The following SEM1 variants were observed in gnomAD, a reference collection of about 807,000 sequenced individuals.
SEM1 encodes the protein SEM1 26S proteasome subunit.
A neutral mutation model predicts 12.7 loss-of-function variants in SEM1; 3 were observed. The ratio of observed to expected loss-of-function variants is 0.24; its 90% CI spans 0.11 to 0.61. The LOEUF (loss-of-function observed/expected upper bound fraction) is 0.61. Ranked by LOEUF, SEM1 falls within the 20% of genes least tolerant of loss-of-function variation. The probability of loss-of-function intolerance (pLI) is 0.88; values close to 1 mark genes in which losing one functional copy is unlikely to be tolerated. For missense variants in SEM1, 59 were observed against 81.3 expected, an observed-to-expected ratio of 0.73 and a Z score of 1.06; for synonymous variants, 30 against 27.8, an observed-to-expected ratio of 1.08 and a Z score of -0.25.
intron 1 of SEM1, among the ~76,000 whole-genome samples, chr7:96,699,581 A>C (rs1262076452): frequency 6.6e-6 from 1 of 152,150 alleles, no homozygotes; most frequent in East Asian, 1.9e-4. Context: ...TACAATATAC[A>C]TACACATTTA....
downstream of SEM1, among the ~76,000 whole-genome samples, chr7:96,619,090 G>A (rs963978719): frequency 5.9e-5 from 9 of 151,812 alleles, no homozygotes; most frequent in East Asian, 1.9e-4. Flanking sequence ...TATTTATCTC[G>A]CATTTCAAGG....
At chr7:96,593,670 T>C (rs952861791) in intron 2 of SEM1, among the ~76,000 whole-genome samples, 3 of 152,210 alleles carry the variant, frequency 2.0e-5, no homozygotes, top group African/African-American at 7.2e-5. Context: ...ATAATTATTT[T>C]ATTGGCAAAG....
At chr7:96,655,039 G>A (rs1809132748) in intron 2 of SEM1, among the ~76,000 whole-genome samples, 2 of 152,172 alleles carry the variant, frequency 1.3e-5, no homozygotes, top group Admixed American at 6.5e-5. Context: ...AGCACTTAGA[G>A]CCTAGTCTGT....
intron 1 of SEM1, among the ~76,000 whole-genome samples, chr7:96,702,169 G>A (rs1790294026): frequency 1.3e-5 from 2 of 152,152 alleles, no homozygotes; most frequent in South Asian, 2.1e-4. Flanking sequence ...AATAACAAAT[G>A]TAGAAAGGGA....
chr7:96,502,654 T>C (rs1329368136), intron 3 of SEM1, among the ~76,000 whole-genome samples: 1 of 152,198 alleles, frequency 6.6e-6, no homozygotes, highest in African/African-American at 2.4e-5. Context: ...CAAAATAGCC[T>C]AATACATTCT....
intron 1 of SEM1, among the ~76,000 whole-genome samples, chr7:96,490,000 A>G (rs1243334898): frequency 6.6e-6 from 1 of 152,114 alleles, no homozygotes; most frequent in Non-Finnish European, 1.5e-5. Context: ...GTGCAGGGGC[A>G]TTGTGAGGAG....
At chr7:96,544,126 T>C (rs1228846336) in intron 2 of SEM1, among the ~76,000 whole-genome samples, 1 of 152,082 alleles carries the variant, frequency 6.6e-6, no homozygotes. Flanking sequence ...TGAAAATCTC[T>C]TAATGTTCTT....
chr7:96,556,641 A>T (rs1805511847), intron 2 of SEM1, among the ~76,000 whole-genome samples: 1 of 135,214 alleles, frequency 7.4e-6, no homozygotes, highest in African/African-American at 2.7e-5. Context: ...CTTCATTTCA[A>T]CTTTGGTGCA....
At chr7:96,617,663 T>A (rs768307071), downstream of SEM1, among the ~76,000 whole-genome samples, 3 of 152,198 alleles carry the variant, frequency 2.0e-5, no homozygotes, top group Non-Finnish European at 4.4e-5. Context: ...AGTATGATGT[T>A]GGGTATGGGT....
intron 2 of SEM1, among the ~76,000 whole-genome samples, chr7:96,510,020 T>C (rs73390914): frequency 6.6e-6 from 1 of 152,140 alleles, no homozygotes; most frequent in Admixed American, 6.6e-5. Context: ...ACTGCTGAAC[T>C]ATATATTTTA....
At chr7:96,638,034 C>A (rs1310568890) in intron 2 of SEM1, among the ~76,000 whole-genome samples, 1 of 151,990 alleles carries the variant, frequency 6.6e-6, no homozygotes, top group Non-Finnish European at 1.5e-5. Context: ...GCAGATGATG[C>A]CTGCACTTGA....
At chr7:96,652,707 A>G (rs569244710) in intron 2 of SEM1, among the ~76,000 whole-genome samples, 1 of 152,216 alleles carries the variant, frequency 6.6e-6, no homozygotes, top group African/African-American at 2.4e-5. Flanking sequence ...CAAAGAATGA[A>G]GTACAGTTTT....
intron 2 of SEM1, among the ~76,000 whole-genome samples, chr7:96,593,043 T>C (rs1032492034): frequency 6.6e-6 from 1 of 150,884 alleles, no homozygotes; most frequent in African/African-American, 2.4e-5. Context: ...TAAAACGTCA[T>C]TTCTCCAAGT....
intron 2 of SEM1, chr7:96,664,169 G>C (rs1313992568): frequency 6.6e-6 from 1 of 152,142 alleles, no homozygotes; most frequent in Admixed American, 6.5e-5. Flanking sequence ...CCACAAACCT[G>C]CTGGCTTGAA....
At chr7:96,627,572 G>A (rs974265673) in intron 2 of SEM1, among the ~76,000 whole-genome samples, 5 of 151,964 alleles carry the variant, frequency 3.3e-5, no homozygotes, top group Non-Finnish European at 7.4e-5. Flanking sequence ...GTACTCGTAT[G>A]GTTTCCAAAA....
At chr7:96,501,447 C>CACA (rs1554407139) in intron 3 of SEM1, among the ~76,000 whole-genome samples, 2 of 151,940 alleles carry the variant, frequency 1.3e-5, no homozygotes, top group South Asian at 2.1e-4. Context: ...CACACACACA[C>CACA]AAAAAAACCC....
intron 2 of SEM1, among the ~76,000 whole-genome samples, chr7:96,683,088 G>C (rs1240228146): frequency 6.6e-6 from 1 of 151,574 alleles, no homozygotes; most frequent in Non-Finnish European, 1.5e-5. Flanking sequence ...AAATAGGAAC[G>C]CTTTTACACT....
At chr7:96,501,204 T>C (rs1364660592), upstream of SEM1, among the ~76,000 whole-genome samples, 1 of 152,156 alleles carries the variant, frequency 6.6e-6, no homozygotes, top group East Asian at 1.9e-4. Context: ...TTCTCCATCC[T>C]GCCTTGCCAC....
At chr7:96,508,465 C>T (rs533099854) in intron 2 of SEM1, among the ~76,000 whole-genome samples, 50 of 152,220 alleles carry the variant, frequency 3.3e-4, no homozygotes, top group African/African-American at 1.2e-3. Flanking sequence ...ATACTCCACT[C>T]ATGTATACAT....
Sources: allele counts gnomAD v4.1 joint callset (sites outside exome capture counted in the v4.1 genomes callset), GRCh38; gene constraint gnomAD v4.1.1; transcripts MANE v1.5; gene names NCBI Gene and HGNC (gene_info 2026-07-23, HGNC 2026-07-21).